The following CAMKMT variants were observed in gnomAD, a reference collection of about 807,000 sequenced individuals.
The protein encoded by CAMKMT is CaM KMT.
A neutral mutation model predicts 48.0 loss-of-function variants in CAMKMT; 53 were observed. The ratio of observed to expected loss-of-function variants is 1.10; its 90% confidence interval spans 0.89 to 1.39. The LOEUF (loss-of-function observed/expected upper bound fraction) is 1.39. CAMKMT is among the 40% of genes most tolerant of loss of function. The probability of loss-of-function intolerance (pLI) is 0.00; values close to 1 mark genes in which losing one functional copy is unlikely to be tolerated. For synonymous variants in CAMKMT, 165 were observed against 152.3 expected (o/e 1.08, Z -0.61); for missense variants, 428 against 402.7 (o/e 1.06, Z -0.54).
At chr2:44,572,361 A>G (rs756110465) in intron 3 of CAMKMT, among the ~76,000 whole-genome samples, 3 of 152,208 alleles carry the variant, frequency 2.0e-5, no homozygotes, top group African/African-American at 4.8e-5. Flanking sequence ...TGAATTTCAT[A>G]TAAGACGAAT....
intron 7 of CAMKMT, among the ~76,000 whole-genome samples, chr2:44,729,257 A>C (rs1678958380): frequency 6.6e-6 from 1 of 152,226 alleles, no homozygotes; most frequent in Admixed American, 6.5e-5. Context: ...TTCAGATCTC[A>C]GAAAAAATAT....
At chr2:44,705,652 A>G (rs1011803901) in intron 4 of CAMKMT, 2 of 384,512 alleles carry the variant, frequency 5.2e-6, no homozygotes, top group Non-Finnish European at 7.1e-6. Context: ...GCTTAACCAT[A>G]TTATGTCCCT....
At chr2:44,391,568 A>G (rs1043658243) in intron 3 of CAMKMT, among the ~76,000 whole-genome samples, 1 of 152,138 alleles carries the variant, frequency 6.6e-6, no homozygotes, top group African/African-American at 2.4e-5. Flanking sequence ...AATATCATTG[A>G]GTCAGGCTTA....
At chr2:44,712,213 T>C (rs1230420416) in intron 6 of CAMKMT, among the ~76,000 whole-genome samples, 1 of 152,000 alleles carries the variant, frequency 6.6e-6, no homozygotes, top group Admixed American at 6.6e-5. Flanking sequence ...TATATTATAA[T>C]CTCATAGTTT....
At chr2:44,456,043 G>A (rs1237744602) in intron 3 of CAMKMT, among the ~76,000 whole-genome samples, 2 of 152,102 alleles carry the variant, frequency 1.3e-5, no homozygotes, top group Non-Finnish European at 2.9e-5. Context: ...ACTCTTTGAG[G>A]ATAGGGAACA....
rs563652519 is a variant in CAMKMT, at chr2:44,417,351, C to A, written c.376+27046C>A. 2.0e-5 allele frequency among the ~76,000 whole-genome samples: 3 copies of A among 152,178 alleles called. No homozygotes were observed. In the South Asian group the frequency reaches 6.2e-4, roughly 32 times the overall value. ...CAGAGGTTGCAGTGAGGTGAGATTG[C>A]ACCACTGCACTCCAGCCTGGGTGAA... On this transcript the variant is annotated intron_variant, in intron 3 of 10. Transcript: ENST00000378494.
chr2:44,754,244 C>A, intron 9 of CAMKMT, 126 bp downstream of exon 9: 1 of 705,300 alleles, frequency 1.4e-6, no homozygotes, highest in Non-Finnish European at 2.4e-6. Context: ...TTATGTCCAA[C>A]TTCAATTGGG....
intron 3 of CAMKMT, among the ~76,000 whole-genome samples, chr2:44,671,806 T>A (rs961159337): frequency 1.3e-5 from 2 of 152,186 alleles, no homozygotes; most frequent in African/African-American, 4.8e-5. Flanking sequence ...AAGAGGGCAT[T>A]GTATTTTCAT....
chr2:44,594,323 T>C (rs1670514306), intron 3 of CAMKMT, among the ~76,000 whole-genome samples: 1 of 152,078 alleles, frequency 6.6e-6, no homozygotes, highest in Admixed American at 6.6e-5. Context: ...TTAAATTTCA[T>C]ATGGAACCAA....
At chr2:44,599,454 A>G (rs1670857187) in intron 3 of CAMKMT, among the ~76,000 whole-genome samples, 1 of 152,098 alleles carries the variant, frequency 6.6e-6, no homozygotes, top group Admixed American at 6.5e-5. Context: ...GAGCTGGAAA[A>G]AATGTAGATA....
At chr2:44,527,376 CATATA>C (rs1461632221) in intron 3 of CAMKMT, among the ~76,000 whole-genome samples, 3 of 138,564 alleles carry the variant, frequency 2.2e-5, no homozygotes, top group African/African-American at 5.4e-5. Flanking sequence ...TATATACATA[CATATA>C]ATATATAATA....
intron 3 of CAMKMT, among the ~76,000 whole-genome samples, chr2:44,522,416 C>G (rs564900564): frequency 1.0e-3 from 158 of 152,300 alleles, no homozygotes; most frequent in Non-Finnish European, 9.8e-4. Context: ...TAGACAAAAG[C>G]CACACTCACT....
At chr2:44,429,427 A>T (rs10197770) in intron 3 of CAMKMT, among the ~76,000 whole-genome samples, 6,289 of 152,138 alleles carry the variant, frequency 0.041, 433 homozygotes, top group African/African-American at 0.14. Flanking sequence ...CTGGACCTGT[A>T]TCTCTTTGCT....
chr2:44,411,393 G>T (rs35473976), intron 3 of CAMKMT, among the ~76,000 whole-genome samples: 1 of 152,180 alleles, frequency 6.6e-6, no homozygotes, highest in Non-Finnish European at 1.5e-5. Flanking sequence ...TGAAGATTTA[G>T]ACTCCAAGGA....
chr2:44,465,050 A>C (rs1017680905), intron 3 of CAMKMT, among the ~76,000 whole-genome samples: 3 of 152,222 alleles, frequency 2.0e-5, no homozygotes, highest in Non-Finnish European at 4.4e-5. Flanking sequence ...TTAAAAGATA[A>C]AAGCACTGAA....
At chr2:44,458,950 A>G (rs896628046) in intron 3 of CAMKMT, among the ~76,000 whole-genome samples, 1 of 152,208 alleles carries the variant, frequency 6.6e-6, no homozygotes, top group Admixed American at 6.5e-5. Context: ...AAGTATAAAA[A>G]TAAGACAAGT....
intron 3 of CAMKMT, among the ~76,000 whole-genome samples, chr2:44,668,995 C>A (rs890417444): frequency 3.9e-5 from 6 of 152,082 alleles, no homozygotes; most frequent in Non-Finnish European, 8.8e-5. Context: ...GTTGGCCAGG[C>A]TGGTCTTGAA....
intron 3 of CAMKMT, among the ~76,000 whole-genome samples, chr2:44,589,055 G>T (rs1266555871): frequency 1.6e-4 from 4 of 25,342 alleles, no homozygotes; most frequent in African/African-American, 3.3e-4. Context: ...GGGAGGTGAG[G>T]GGCGCCTCTG....
At chr2:44,502,768 A>G (rs928212575) in intron 3 of CAMKMT, among the ~76,000 whole-genome samples, 3 of 152,198 alleles carry the variant, frequency 2.0e-5, no homozygotes, top group Non-Finnish European at 4.4e-5. Context: ...CCCTTAAGGA[A>G]AGCTGATTTT....
Sources: allele counts gnomAD v4.1 joint callset (sites outside exome capture counted in the v4.1 genomes callset), GRCh38; gene constraint gnomAD v4.1.1; transcripts MANE v1.5; gene names NCBI Gene and HGNC (gene_info 2026-07-23, HGNC 2026-07-21).